The following LRP1B variants were observed in gnomAD, a reference collection of about 807,000 sequenced individuals.
The protein encoded by LRP1B is low-density lipoprotein receptor-related protein 1B.
Under a neutral mutation model 556.6 loss-of-function variants are expected in LRP1B, and 217 were observed. That is an observed-to-expected ratio of 0.39 (90% CI 0.35 to 0.44). The LOEUF is 0.44. Ranked by LOEUF, LRP1B falls within the 20% of genes least tolerant of loss-of-function variation. The pLI is 1.00. For missense variants in LRP1B, 5,053 were observed against 5,620.8 expected (o/e 0.90, Z 3.23); for synonymous variants, 2,047 against 1,865.8 (o/e 1.10, Z -2.50).
rs770877951 is a variant in LRP1B at position 140,351,040 on chromosome 2, T to C, written c.11651-2A>G. Reference sequence around the variant, plus strand: ...TGTAGAGAACTTGATCTTCAGAGCCTGGAGATTATTATAATAAAATACAAA... The same window carrying C: ...TGTAGAGAACTTGATCTTCAGAGCCCGGAGATTATTATAATAAAATACAAA... On this transcript the variant is annotated splice_acceptor_variant, in intron 76 of 90. Coordinates refer to ENST00000389484, the MANE Select transcript of LRP1B (RefSeq NM_018557.3). LOFTEE classifies it high-confidence loss of function. 1 of 1,543,886 alleles carries C rather than the reference T, an allele frequency of 6.5e-7. No homozygotes were observed.
chr2:141,220,195 A>G (rs1178123807), intron 6 of LRP1B, among the ~76,000 whole-genome samples: 1 of 152,170 alleles, frequency 6.6e-6, no homozygotes, highest in Non-Finnish European at 1.5e-5. Context: ...ATTACAGGAG[A>G]TGTTAACCAG....
At position 140,247,169 on chromosome 2, in the gene LRP1B, A is replaced by T. The variant is rs1681202230; in HGVS notation, c.13248-7T>A. The T allele has an allele frequency of 6.2e-7, 1 of 1,601,630 alleles. No homozygotes were observed. The highest frequency in any genetic ancestry group is 1.7e-5 in the Admixed American group (1 of 59,610). On this transcript the variant is annotated splice_region_variant and splice_polypyrimidine_tract_variant and intron_variant, in intron 86 of 90. Coordinates refer to ENST00000389484, the MANE Select transcript of LRP1B (RefSeq NM_018557.3). ...TGACCAGTTGGTGGAGCATCTAAAA[A>T]TATCCAAACAACAAACAAAACAGAT...
intron 86 of LRP1B, among the ~76,000 whole-genome samples, chr2:140,263,652 G>T (rs1475629026): frequency 6.6e-6 from 1 of 152,102 alleles, no homozygotes; most frequent in Non-Finnish European, 1.5e-5. Context: ...ACACTAGACA[G>T]AACAGAGTTC....
intron 2 of LRP1B, among the ~76,000 whole-genome samples, chr2:141,603,760 A>C (rs1168026365): frequency 6.6e-6 from 1 of 152,206 alleles, no homozygotes; most frequent in Admixed American, 6.5e-5. Flanking sequence ...TAGATCTTTC[A>C]TCAGGTACTC....
At chr2:141,823,781 G>A (rs774706469) in intron 1 of LRP1B, among the ~76,000 whole-genome samples, 2 of 152,072 alleles carry the variant, frequency 1.3e-5, no homozygotes, top group Admixed American at 6.6e-5. Context: ...CAATCCTTCC[G>A]TGTCAGCCTC....
At chr2:141,594,363 C>T (rs2105299083) in intron 2 of LRP1B, among the ~76,000 whole-genome samples, 1 of 152,108 alleles carries the variant, frequency 6.6e-6, no homozygotes, top group Non-Finnish European at 1.5e-5. Flanking sequence ...AGAATAGGTC[C>T]TAATAATTCC....
rs896608599 is a variant in LRP1B at position 140,350,723 on chromosome 2, A to G, written c.11892+74T>C. 21 of 1,287,308 alleles carry G rather than the reference A, an allele frequency of 1.6e-5. No homozygotes were observed. In the African/African-American group the frequency reaches 2.4e-4, roughly 15 times the overall value. 79.7% of individuals were successfully genotyped at this position (1,287,308 alleles called of 1,614,324 possible). Reference sequence around the variant, plus strand: ...ATTACTTAGTATAATTAGATATTATATTAGATAAATTTTGTTTAAAAAGCA... The same window carrying G: ...ATTACTTAGTATAATTAGATATTATGTTAGATAAATTTTGTTTAAAAAGCA... On this transcript the variant is annotated intron_variant, in intron 77 of 90. Transcript: ENST00000389484.
At chr2:140,281,196 ACT>A (rs971136454) in intron 84 of LRP1B, among the ~76,000 whole-genome samples, 1 of 151,888 alleles carries the variant, frequency 6.6e-6, no homozygotes, top group African/African-American at 2.4e-5. Flanking sequence ...ACAGTAATAG[ACT>A]CTACATAAAA....
intron 2 of LRP1B, among the ~76,000 whole-genome samples, chr2:141,552,931 A>G (rs901072779): frequency 6.6e-6 from 1 of 152,018 alleles, no homozygotes; most frequent in Non-Finnish European, 1.5e-5. Flanking sequence ...AAACTACGTT[A>G]TATGAGAAAC....
rs182178330 is a variant in LRP1B at position 141,024,922 on chromosome 2, C to T, written c.1790-4820G>A. 4.1e-4 allele frequency among the ~76,000 whole-genome samples: 63 copies of T among 152,078 alleles called. 1 individual carries two copies. The highest frequency in any genetic ancestry group is 1.5e-3 in the African/African-American group (62 of 41,534). ...CCTATTATAATGGGCAGTAAGAAGG[C>T]CTGCTGTTTTCACTGGCAAGTGACT... On this transcript the variant is annotated intron_variant, in intron 11 of 90. Coordinates refer to ENST00000389484, the MANE Select transcript of LRP1B (RefSeq NM_018557.3).
chr2:140,922,286 ACACACACACACGCACACACG>A (rs1694758287), intron 21 of LRP1B, among the ~76,000 whole-genome samples: 3 of 150,610 alleles, frequency 2.0e-5, no homozygotes, highest in African/African-American at 7.4e-5. Flanking sequence ...TTGTATACAC[ACACACACACACGCACACACG>A]CACACACACG....
In LRP1B at chr2:141,467,102, G is replaced by GTATATATA. The variant is rs1384566758; in HGVS notation, c.343+13286_343+13293dup. 2.4e-4 allele frequency among the ~76,000 whole-genome samples: 20 copies of GTATATATA among 84,388 alleles called. 2 individuals carry two copies. Among genetic ancestry groups the GTATATATA allele is most frequent in the African/African-American group, 1.2e-3 (20 of 17,034 alleles). 55.4% of individuals were successfully genotyped at this position (84,388 alleles called of 152,430 possible). A position where few individuals can be genotyped will look rare whatever the true frequency, so the allele number is the denominator to read the frequency against. ...TACACACACACACACATATATATGT[G>GTATATATA]TATATATATATATATATATATCTAT... On this transcript the variant is annotated intron_variant, in intron 3 of 90. Coordinates refer to ENST00000389484, the MANE Select transcript of LRP1B (RefSeq NM_018557.3).
chr2:140,799,367 G>A (rs1021414574), intron 32 of LRP1B, among the ~76,000 whole-genome samples: 1 of 152,100 alleles, frequency 6.6e-6, no homozygotes, highest in Non-Finnish European at 1.5e-5. Context: ...AACCCGTCAA[G>A]AAGGCTATAA....
intron 47 of LRP1B, among the ~76,000 whole-genome samples, chr2:140,530,239 T>C (rs528332120): frequency 3.7e-4 from 57 of 152,074 alleles, no homozygotes; most frequent in African/African-American, 1.3e-3. Flanking sequence ...GATTAAAAAG[T>C]GATAGGTGAT....
intron 1 of LRP1B, among the ~76,000 whole-genome samples, chr2:142,025,009 G>T (rs1435008666): frequency 6.6e-6 from 1 of 152,068 alleles, no homozygotes; most frequent in East Asian, 1.9e-4. Flanking sequence ...ATAACATTAG[G>T]TATGTGTGGG....
rs116865972 is a variant in LRP1B at position 141,012,710 on chromosome 2, C to T, written c.2380+846G>A. On this transcript the variant is annotated intron_variant, in intron 14 of 90. Coordinates refer to ENST00000389484, the MANE Select transcript of LRP1B (RefSeq NM_018557.3). The stretch of plus-strand genomic sequence containing the variant: ...TGAAGCTTTTGAATGAGATAGTTTG[C>T]TTTAGGATCGTTGTTTTAGCTGAAA... Among the ~76,000 whole-genome samples the T allele has an allele frequency of 4.5e-4, 69 of 151,906 alleles. No individual in the cohort carries two copies. The East Asian group carries it at 0.012, about 27-fold the overall frequency.
intron 5 of LRP1B, among the ~76,000 whole-genome samples, chr2:141,232,237 G>C (rs1399656395): frequency 1.3e-5 from 2 of 152,152 alleles, no homozygotes; most frequent in African/African-American, 4.8e-5. Context: ...CTTGAAACCT[G>C]TTGGATCATA....
intron 7 of LRP1B, among the ~76,000 whole-genome samples, chr2:141,108,994 T>C (rs1700681483): frequency 6.6e-6 from 1 of 152,222 alleles, no homozygotes; most frequent in Non-Finnish European, 1.5e-5. Flanking sequence ...TTGTCAGCCA[T>C]TATTCTGAGG....
At chr2:141,334,352 A>G (rs2714192) in intron 3 of LRP1B, among the ~76,000 whole-genome samples, 85,123 of 152,122 alleles carry the variant, frequency 0.56, 24,760 homozygotes, top group African/African-American at 0.67. Flanking sequence ...CACCTTCCCC[A>G]CTTCCTCCTG....
Sources: allele counts gnomAD v4.1 joint callset (sites outside exome capture counted in the v4.1 genomes callset), GRCh38; gene constraint gnomAD v4.1.1; transcripts MANE v1.5; gene names NCBI Gene and HGNC (gene_info 2026-07-23, HGNC 2026-07-21).